The following IDE variants were observed in gnomAD, a reference collection of about 807,000 sequenced individuals.
IDE encodes insulin-degrading enzyme.
IDE carries 58 observed loss-of-function variants against 133.2 expected under a neutral mutation model. That is an observed-to-expected ratio of 0.44 (90% CI 0.35 to 0.54). The LOEUF (loss-of-function observed/expected upper bound fraction) is 0.54, where lower values mean the gene tolerates loss of function less well. Among genes scored for constraint, IDE ranks in the 20% least tolerant of loss-of-function variants. IDE has a pLI of 0.00. For synonymous variants in IDE, 396 were observed against 421.3 expected (o/e 0.94, Z 0.73); for missense variants, 981 against 1,234.0 (o/e 0.79, Z 3.07).
chr10:92,465,798 C>T lies in IDE; in HGVS notation c.2366G>A (p.Cys789Tyr), dbSNP rs371158499. ...TGTTTGGTAGTATATCTCGATGCCA[C>T]AGTTATTGTGAACTTCATTTCTCTG... ...YQQRNEVHNN[C>Y]GIEIYYQTDM... Residue 789 changes from cysteine to tyrosine, a missense_variant, in exon 20 of 25, where the codon TGT becomes TAT. By Grantham distance (194) the Cys-to-Tyr change is radical. Coordinates refer to ENST00000265986, the MANE Select transcript of IDE (RefSeq NM_004969.4). The T allele has an allele frequency of 2.5e-5, 40 of 1,613,912 alleles. No homozygotes were observed. Among genetic ancestry groups the T allele is most frequent in the Non-Finnish European group, 3.3e-5 (39 of 1,179,938 alleles).
intron 1 of IDE, among the ~76,000 whole-genome samples, chr10:92,563,784 A>G (rs1843393091): frequency 6.6e-6 from 1 of 152,062 alleles, no homozygotes; most frequent in Non-Finnish European, 1.5e-5. Context: ...AAGAAAAGAA[A>G]AGCAAATCTT....
At chr10:92,537,767 T>C (rs1239440847) in intron 1 of IDE, among the ~76,000 whole-genome samples, 1 of 152,218 alleles carries the variant, frequency 6.6e-6, no homozygotes, top group Non-Finnish European at 1.5e-5. Flanking sequence ...GGAGCCATAT[T>C]TGTATCTGAA....
chr10:92,456,710 A>G (rs1845027586), intron 22 of IDE, among the ~76,000 whole-genome samples: 1 of 151,988 alleles, frequency 6.6e-6, no homozygotes, highest in East Asian at 1.9e-4. Context: ...GTGGTGGCAC[A>G]TGCTTGTAAT....
In IDE at chr10:92,531,769, G is replaced by A; in HGVS notation, c.640C>T (p.Pro214Ser). 6.3e-7 allele frequency: 1 copy of A among 1,590,768 alleles called. No individual in the cohort carries two copies. The highest frequency in any genetic ancestry group is 8.6e-7 in the Non-Finnish European group (1 of 1,166,278). ...AAACCTGTCCCAAATTTACTGAAGG[G>A]GTGTTTAGGATTCCCTGTAGCTTTT... ...LEKATGNPKHPFSKFGTGNKY... is the reference protein window; with the variant it reads ...LEKATGNPKHSFSKFGTGNKY... The change falls in exon 4 of 25, where the codon CCC becomes TCC. Residue 214 changes from proline (P) to serine (S), a missense_variant. By Grantham distance (74) the Pro-to-Ser change is moderately conservative. This residue lies in a region of IDE where 321 missense variants were observed against 339.3 expected (regional missense o/e 0.95). Coordinates refer to ENST00000265986, the MANE Select transcript of IDE (RefSeq NM_004969.4).
At chr10:92,546,002 A>G (rs539587493) in intron 1 of IDE, among the ~76,000 whole-genome samples, 4 of 152,232 alleles carry the variant, frequency 2.6e-5, no homozygotes, top group Admixed American at 2.6e-4. Context: ...ACCAGAAATG[A>G]TCAAATGACA....
At chr10:92,481,709 T>C (rs1846622286) in intron 14 of IDE, among the ~76,000 whole-genome samples, 1 of 152,122 alleles carries the variant, frequency 6.6e-6, no homozygotes, top group Non-Finnish European at 1.5e-5. Flanking sequence ...TCAATTAAAA[T>C]GTACAAGAAA....
At chr10:92,517,428 G>T (rs1848090380) in intron 4 of IDE, among the ~76,000 whole-genome samples, 1 of 152,110 alleles carries the variant, frequency 6.6e-6, no homozygotes, top group Non-Finnish European at 1.5e-5. Flanking sequence ...TTTTGTTTAA[G>T]ATAGGGTCTT....
At chr10:92,511,105 T>G (rs1436021803) in intron 5 of IDE, among the ~76,000 whole-genome samples, 1 of 148,158 alleles carries the variant, frequency 6.7e-6, no homozygotes. Flanking sequence ...AAAAAAACTT[T>G]TTTTTTTTTT....
chr10:92,487,441 C>A, intron 12 of IDE, 123 bp from the exon 13 acceptor site: 1 of 848,890 alleles, frequency 1.2e-6, no homozygotes, highest in Non-Finnish European at 1.8e-6. Context: ...TGTTTTCCAT[C>A]ATATATAAAA....
Position 92,537,480 on chromosome 10 carries a change from A to T in IDE, c.169T>A (p.Ser57Thr). 2 of 1,613,712 alleles carry T rather than the reference A, an allele frequency of 1.2e-6. No homozygotes were observed. The highest frequency in any genetic ancestry group is 1.7e-6 in the Non-Finnish European group (2 of 1,179,774). ...CGATATTCTCGCTTGTCTTCAGGAG[A>T]CTTGGTAATGTGATTTCCTATTCTC... ...IKRIGNHITK[S>T]PEDKREYRGL... The change falls in exon 2 of 25, where the codon TCT (serine) becomes ACT (threonine). Residue 57 changes from serine (S) to threonine (T), a missense_variant. Physicochemically the swap from Ser to Thr is moderately conservative, Grantham distance 58. Transcript: ENST00000265986.
intron 1 of IDE, among the ~76,000 whole-genome samples, chr10:92,548,125 C>T (rs1428540867): frequency 6.6e-6 from 1 of 151,750 alleles, no homozygotes; most frequent in African/African-American, 2.4e-5. Context: ...TTTGGGAGGC[C>T]AAGGCAGGCC....
chr10:92,455,463 T>G (rs1325045485), intron 24 of IDE, 113 bp downstream of exon 24: 1 of 681,760 alleles, frequency 1.5e-6, no homozygotes, highest in African/African-American at 1.8e-5. Context: ...CCTGGGTGAC[T>G]GAGTGAGACT....
chr10:92,458,066 C>T (rs1845124534), intron 22 of IDE, among the ~76,000 whole-genome samples: 1 of 152,184 alleles, frequency 6.6e-6, no homozygotes, highest in African/African-American at 2.4e-5. Context: ...CAGCAGACAG[C>T]AGAACACCTT....
intron 1 of IDE, among the ~76,000 whole-genome samples, chr10:92,561,718 C>T (rs189136645): frequency 1.4e-3 from 205 of 151,486 alleles, no homozygotes; most frequent in Non-Finnish European, 2.5e-3. Flanking sequence ...GCGGAGATCG[C>T]GCCACTGCAC....
chr10:92,521,722 T>C (rs1849236017), intron 4 of IDE, among the ~76,000 whole-genome samples: 1 of 151,938 alleles, frequency 6.6e-6, no homozygotes, highest in African/African-American at 2.4e-5. Context: ...GAAAGACATA[T>C]CAAACAATCA....
intron 1 of IDE, among the ~76,000 whole-genome samples, chr10:92,541,101 G>T (rs1357243285): frequency 2.0e-5 from 3 of 152,056 alleles, no homozygotes; most frequent in South Asian, 2.1e-4. Flanking sequence ...GTGTACAAAG[G>T]ATCAAGAAAA....
chr10:92,531,981 A>C, intron 3 of IDE, 64 bp from the exon 4 acceptor site: 12 of 1,179,702 alleles, frequency 1.0e-5, no homozygotes, highest in Non-Finnish European at 1.4e-5. Context: ...CCTTTTAGAA[A>C]GATTTTTGGA....
At chr10:92,544,866 T>C (rs2135732203) in intron 1 of IDE, among the ~76,000 whole-genome samples, 1 of 152,286 alleles carries the variant, frequency 6.6e-6, no homozygotes, top group African/African-American at 2.4e-5. Context: ...AGAGAGTATA[T>C]GTACAGAACT....
intron 11 of IDE, among the ~76,000 whole-genome samples, chr10:92,493,873 A>G (rs752928084): frequency 3.9e-5 from 6 of 152,206 alleles, no homozygotes; most frequent in East Asian, 1.9e-4. Flanking sequence ...AAGTAACGGT[A>G]CAGACAGAGT....
Sources: allele counts gnomAD v4.1 joint callset (sites outside exome capture counted in the v4.1 genomes callset), GRCh38; gene constraint gnomAD v4.1.1; regional missense constraint gnomAD v4.1.1; transcripts MANE v1.5; gene names NCBI Gene and HGNC (gene_info 2026-07-23, HGNC 2026-07-21).